ADGRB3: variants seen among roughly 807,000 people sequenced by gnomAD.
ADGRB3 encodes brain-specific angiogenesis inhibitor 3.
Under a neutral mutation model 193.4 loss-of-function variants are expected in ADGRB3, and 37 were observed. That is an observed-to-expected ratio of 0.19 (90% confidence interval 0.15 to 0.25). The LOEUF (loss-of-function observed/expected upper bound fraction) is 0.25. Ranked by LOEUF, ADGRB3 falls within the 10% of genes least tolerant of loss-of-function variation. The probability of loss-of-function intolerance (pLI) is 1.00; values close to 1 mark genes in which losing one functional copy is unlikely to be tolerated. For synonymous variants in ADGRB3, 690 were observed against 644.2 expected (o/e 1.07, Z -1.08); for missense variants, 1,637 against 1,852.9 (o/e 0.88, Z 2.14).
chr6:68,973,206 T>C (rs940266398), intron 8 of ADGRB3, among the ~76,000 whole-genome samples: 1 of 143,912 alleles, frequency 6.9e-6, no homozygotes, highest in Non-Finnish European at 1.6e-5. Flanking sequence ...GTGTGGATTC[T>C]AGGATCCAGT....
At chr6:68,686,120 G>A (rs1764978865) in intron 3 of ADGRB3, among the ~76,000 whole-genome samples, 1 of 152,270 alleles carries the variant, frequency 6.6e-6, no homozygotes, top group South Asian at 2.1e-4. Context: ...ATTGTAAGGT[G>A]GACACCTGAA....
chr6:69,062,543 A>T (rs573445520), intron 15 of ADGRB3, among the ~76,000 whole-genome samples: 2 of 151,938 alleles, frequency 1.3e-5, no homozygotes, highest in South Asian at 4.1e-4. Flanking sequence ...GCACATTGCA[A>T]TAAGAGTATT....
chr6:68,873,228 T>G (rs1351617383), intron 3 of ADGRB3, among the ~76,000 whole-genome samples: 1 of 152,124 alleles, frequency 6.6e-6, no homozygotes, highest in Non-Finnish European at 1.5e-5. Context: ...TATTAATATG[T>G]AATATGATAA....
chr6:68,896,552 CA>C (rs1766223265), intron 3 of ADGRB3, among the ~76,000 whole-genome samples: 1 of 152,066 alleles, frequency 6.6e-6, no homozygotes. Context: ...TTCTGAACTA[CA>C]AACTTTCTGT....
intron 20 of ADGRB3, 66 bp from the exon 21 acceptor site, chr6:69,324,806 T>A: frequency 6.5e-7 from 1 of 1,541,516 alleles, no homozygotes; most frequent in East Asian, 2.3e-5. Flanking sequence ...AACAATCCCC[T>A]GAAGAACATA....
At position 68,930,605 on chromosome 6, in the gene ADGRB3, A is replaced by T. The variant is rs946811752; in HGVS notation, c.804A>T (p.Arg268=). Residue 268 remains arginine, a synonymous_variant, in exon 4 of 32, where the codon CGA becomes CGT. Coordinates refer to ENST00000370598, the MANE Select transcript of ADGRB3 (RefSeq NM_001704.3). The part of the protein sequence containing the change: ...GDHTIKSQRP[R]SVHEKRVPQE... ...ATACAATTAAAAGTCAGCGACCTCG[A>T]TCTGTTCATGAAAAAAGGGTCCCTC... is the stretch of plus-strand genomic sequence containing the variant. The T allele has an allele frequency of 6.2e-7, 1 of 1,613,026 alleles. No homozygotes were observed.
Position 68,956,660 on chromosome 6 carries a change from A to C in ADGRB3, c.1376A>C (p.Asn459Thr), listed in dbSNP as rs1298384518. The C allele has an allele frequency of 6.2e-7, 1 of 1,613,982 alleles. No homozygotes were observed. Among genetic ancestry groups the C allele is most frequent in the East Asian group, 2.2e-5 (1 of 44,860 alleles). Residue 459 changes from asparagine (N) to threonine (T), a missense_variant, in exon 8 of 32, where the codon AAT becomes ACT. This residue lies in a region of ADGRB3 where 641 missense variants were observed against 673.9 expected (regional missense o/e 0.95). Coordinates refer to ENST00000370598, the MANE Select transcript of ADGRB3 (RefSeq NM_001704.3). ...NPECTANGQW[N>T]QWGHWSGCSK... ...TTTCTTTCAGCCAATGGTCAATGGA[A>C]TCAGTGGGGTCATTGGAGTGGTTGT...
chr6:68,656,161 C>A (rs1361029212), intron 3 of ADGRB3, among the ~76,000 whole-genome samples: 3 of 151,494 alleles, frequency 2.0e-5, no homozygotes, highest in Non-Finnish European at 4.4e-5. Flanking sequence ...AAATATAAAT[C>A]CATATTCTAT....
chr6:69,195,464 G>A (rs1765275700), intron 17 of ADGRB3, among the ~76,000 whole-genome samples: 2 of 146,830 alleles, frequency 1.4e-5, no homozygotes, highest in Admixed American at 7.0e-5. Flanking sequence ...GTTGGAGGCT[G>A]CAATAATCAT....
intron 3 of ADGRB3, among the ~76,000 whole-genome samples, chr6:68,706,253 A>G (rs181917482): frequency 7.9e-5 from 12 of 152,264 alleles, no homozygotes; most frequent in Admixed American, 6.5e-4. Context: ...GACTTAGAGG[A>G]AAGCAGTCAC....
intron 3 of ADGRB3, among the ~76,000 whole-genome samples, chr6:68,728,161 T>A (rs1249658225): frequency 6.6e-6 from 1 of 151,396 alleles, no homozygotes; most frequent in Non-Finnish European, 1.5e-5. Flanking sequence ...CTATGTTCTT[T>A]GAAAAAAAAT....
At chr6:69,353,455 T>C (rs957312337) in intron 26 of ADGRB3, among the ~76,000 whole-genome samples, 4 of 152,200 alleles carry the variant, frequency 2.6e-5, no homozygotes, top group African/African-American at 9.6e-5. Flanking sequence ...TACTCAAAGA[T>C]TTCTTACATG....
At chr6:68,944,803 G>A (rs148714174) in intron 6 of ADGRB3, among the ~76,000 whole-genome samples, 70 of 152,240 alleles carry the variant, frequency 4.6e-4, no homozygotes, top group Non-Finnish European at 7.9e-4. Flanking sequence ...CTCAGGGTTA[G>A]CAAAGACACA....
At position 68,635,803 on chromosome 6, in the gene ADGRB3, C is replaced by A. The variant is rs1490117705; in HGVS notation, c.-385C>A. Reference sequence around the variant, plus strand: ...TTTTTTCCTCTCTCTCATCGACCCCCCTTTGGTTCCCACCCCCCACCTTTT... The same window carrying A: ...TTTTTTCCTCTCTCTCATCGACCCCACTTTGGTTCCCACCCCCCACCTTTT... On this transcript the variant is annotated 5_prime_UTR_variant, in exon 1 of 32. Coordinates refer to ENST00000370598, the MANE Select transcript of ADGRB3 (RefSeq NM_001704.3). 1 of 153,356 alleles carries A rather than the reference C, an allele frequency of 6.5e-6. No individual in the cohort carries two copies. The highest frequency in any genetic ancestry group is 1.5e-5 in the Non-Finnish European group (1 of 68,872). The allele number at this position is 153,356 out of a possible 1,614,324, so 9.5% of individuals were successfully genotyped here. A position where few individuals can be genotyped will look rare whatever the true frequency, so the allele number is the denominator to read the frequency against.
At position 68,868,675 on chromosome 6, in the gene ADGRB3, G is replaced by A. The variant is rs1167219723; in HGVS notation, c.758-61884G>A. Among the ~76,000 whole-genome samples, 12 of 151,834 alleles carry A rather than the reference G, an allele frequency of 7.9e-5. 1 individual carries two copies. The highest frequency in any genetic ancestry group is 7.2e-4 in the Admixed American group (11 of 15,254). ...AATGCTATTTATAGATTTTATTTTG[G>A]GAAAAAATCTAGTTTTAGGAATTGT... On this transcript the variant is annotated intron_variant, in intron 3 of 31. Coordinates refer to ENST00000370598, the MANE Select transcript of ADGRB3 (RefSeq NM_001704.3).
At chr6:69,309,570 G>T (rs1768138219) in intron 20 of ADGRB3, among the ~76,000 whole-genome samples, 1 of 151,656 alleles carries the variant, frequency 6.6e-6, no homozygotes, top group Non-Finnish European at 1.5e-5. Context: ...AGATAGATAA[G>T]TAGGGCTTAG....
intron 17 of ADGRB3, among the ~76,000 whole-genome samples, chr6:69,204,227 T>C (rs904581445): frequency 1.3e-5 from 2 of 152,182 alleles, no homozygotes; most frequent in Non-Finnish European, 2.9e-5. Flanking sequence ...CAAAATGTTT[T>C]TCTCTTTCCA....
At chr6:69,286,537 G>A (rs1216318624) in intron 20 of ADGRB3, among the ~76,000 whole-genome samples, 1 of 152,208 alleles carries the variant, frequency 6.6e-6, no homozygotes, top group Non-Finnish European at 1.5e-5. Flanking sequence ...AGGCTGGCAG[G>A]TGATGCTAGA....
At chr6:68,977,345 A>G (rs1768780759) in intron 10 of ADGRB3, among the ~76,000 whole-genome samples, 1 of 152,014 alleles carries the variant, frequency 6.6e-6, no homozygotes, top group South Asian at 2.1e-4. Context: ...GTTTAATTAT[A>G]TCCATATTCA....
Sources: gnomAD v4.1 joint callset for allele counts (sites outside exome capture counted in the v4.1 genomes callset) on GRCh38, gnomAD v4.1.1 for gene constraint, gnomAD v4.1.1 regional missense constraint, MANE v1.5 for transcripts, NCBI Gene and HGNC (gene_info 2026-07-23, HGNC 2026-07-21) for gene names.